Variants in PDE10A observed in about 807,000 individuals in gnomAD.
PDE10A encodes cAMP and cAMP-inhibited cGMP 3',5'-cyclic phosphodiesterase 10A.
A neutral mutation model predicts 97.7 loss-of-function variants in PDE10A; 39 were observed. That is an observed-to-expected ratio of 0.40 (90% CI 0.31 to 0.52). The LOEUF (loss-of-function observed/expected upper bound fraction) is 0.52. Among genes scored for constraint, PDE10A ranks in the 20% least tolerant of loss-of-function variants. The pLI is 0.56. For missense variants in PDE10A, 731 were observed against 1,047.8 expected, an observed-to-expected ratio of 0.70 and a Z score of 4.17; for synonymous variants, 371 against 376.8, an observed-to-expected ratio of 0.98 and a Z score of 0.18.
chr6:165,470,491 C>A (rs1031667606), intron 3 of PDE10A, among the ~76,000 whole-genome samples: 1 of 152,170 alleles, frequency 6.6e-6, no homozygotes, highest in African/African-American at 2.4e-5. Context: ...TGGTGCCTTT[C>A]CCTTAGAGGA....
chr6:165,924,753 T>C (rs1400285061), intron 1 of PDE10A, among the ~76,000 whole-genome samples: 1 of 152,182 alleles, frequency 6.6e-6, no homozygotes, highest in Non-Finnish European at 1.5e-5. Flanking sequence ...AGACCTTATA[T>C]GGAAATTAAC....
At chr6:165,500,315 T>G (rs1234118581) in intron 2 of PDE10A, among the ~76,000 whole-genome samples, 1 of 152,144 alleles carries the variant, frequency 6.6e-6, no homozygotes, top group Admixed American at 6.5e-5. Context: ...TGTTACTGTG[T>G]CTACGCAGAA....
In PDE10A at chr6:165,711,699, C is replaced by T. The variant is rs951865969; in HGVS notation, c.-614-168131G>A. ...AGCCCCTTTAATACCTGCTGAGCTA[C>T]GTTCAGCTCAGGCACAAGCCTGTTC... On this transcript the variant is annotated intron_variant, in intron 1 of 19. Transcript: ENST00000366882. This position sits in a 1 kb window ranked among gnomAD's most constrained non-coding sequence, Gnocchi z 4.5. Among the ~76,000 whole-genome samples the T allele has an allele frequency of 6.6e-6, 1 of 152,168 alleles. No homozygotes were observed. The highest frequency in any genetic ancestry group is 2.4e-5 in the African/African-American group (1 of 41,440).
At chr6:165,377,717 T>C (rs1784694812) in intron 18 of PDE10A, among the ~76,000 whole-genome samples, 1 of 152,180 alleles carries the variant, frequency 6.6e-6, no homozygotes, top group African/African-American at 2.4e-5. Context: ...TCTATTTCCC[T>C]GATCTTCTGA....
intron 11 of PDE10A, among the ~76,000 whole-genome samples, chr6:165,417,199 C>A (rs1583242449): frequency 6.6e-6 from 1 of 152,172 alleles, no homozygotes; most frequent in South Asian, 2.1e-4. Flanking sequence ...AAAGAGTGAA[C>A]CAAACACTGC....
intron 1 of PDE10A, among the ~76,000 whole-genome samples, chr6:165,798,070 G>A (rs552764544): frequency 6.6e-6 from 1 of 152,120 alleles, no homozygotes; most frequent in Non-Finnish European, 1.5e-5. Context: ...GCTGCAGTGC[G>A]CTACTCTTTA....
chr6:165,624,553 C>T (rs187112088), intron 1 of PDE10A, among the ~76,000 whole-genome samples: 1 of 152,296 alleles, frequency 6.6e-6, no homozygotes, highest in Admixed American at 6.5e-5. Context: ...TTAACTAATT[C>T]CAGTTCAAAA....
Position 165,381,208 on chromosome 6 carries a change from A to G in PDE10A, c.2611-1842T>C, listed in dbSNP as rs538272922. Among the ~76,000 whole-genome samples the G allele has an allele frequency of 2.4e-3, 365 of 152,326 alleles. 1 individual carries two copies. Among genetic ancestry groups the G allele is most frequent in the African/African-American group, 8.4e-3 (350 of 41,574 alleles). ...ACAAAAGAGTTATAAACTCACTGCA[A>G]TTCTACACACTGGATATGTCATCTG... On this transcript the variant is annotated intron_variant, in intron 17 of 21. Coordinates refer to ENST00000539869, the MANE Select transcript of PDE10A (RefSeq NM_001385079.1).
At chr6:165,552,607 T>C (rs190380135) in intron 1 of PDE10A, among the ~76,000 whole-genome samples, 1 of 152,194 alleles carries the variant, frequency 6.6e-6, no homozygotes. Context: ...CAAACACTGT[T>C]AGACGTCACT....
At chr6:165,749,387 C>T (rs373118201) in intron 1 of PDE10A, among the ~76,000 whole-genome samples, 11 of 128,246 alleles carry the variant, frequency 8.6e-5, no homozygotes, top group South Asian at 2.6e-4. Flanking sequence ...CCACCACCAT[C>T]ATCACCATTA....
At chr6:165,787,534 C>T (rs111921988) in intron 1 of PDE10A, among the ~76,000 whole-genome samples, 1,853 of 152,184 alleles carry the variant, frequency 0.012, 27 homozygotes, top group South Asian at 0.059. Flanking sequence ...ATAAAAAGTC[C>T]CCCAAATAAG....
intron 1 of PDE10A, among the ~76,000 whole-genome samples, chr6:165,615,236 G>GAAAGAAAGA (rs1562630497): frequency 2.0e-5 from 3 of 149,868 alleles, no homozygotes; most frequent in South Asian, 2.1e-4. Context: ...AAGAAAGAAA[G>GAAAGAAAGA]AAAGAAAAGA....
At chr6:165,762,224 C>A (rs1376485189) in intron 1 of PDE10A, among the ~76,000 whole-genome samples, 2 of 152,206 alleles carry the variant, frequency 1.3e-5, no homozygotes, top group Non-Finnish European at 2.9e-5. Flanking sequence ...CATTTCTTCC[C>A]TGCTGTGTAA....
chr6:165,521,073 T>C (rs77507341), intron 2 of PDE10A, among the ~76,000 whole-genome samples: 3,053 of 152,314 alleles, frequency 0.02, 55 homozygotes, highest in Non-Finnish European at 0.032. Context: ...GGTGTCTGTG[T>C]GTCAAATTTT....
At chr6:165,489,884 T>A (rs1238761607) in intron 2 of PDE10A, among the ~76,000 whole-genome samples, 1 of 152,068 alleles carries the variant, frequency 6.6e-6, no homozygotes, top group Non-Finnish European at 1.5e-5. Flanking sequence ...TAACCCAATC[T>A]AACAAATGCA....
rs34436194 is a variant in PDE10A at position 165,812,433 on chromosome 6, GA to G, written c.-615+175095del. Among the ~76,000 whole-genome samples, 1,447 of 150,200 alleles carry G rather than the reference GA, an allele frequency of 9.6e-3. 24 individuals carry two copies. Among genetic ancestry groups the G allele is most frequent in the African/African-American group, 0.033 (1,351 of 40,954 alleles). ...ATGAATATCAAAGAACTTGGAGGCA[GA>G]AAAAAAAAAGTGTCCTCTCATTAAG... is the stretch of plus-strand genomic sequence containing the variant. On this transcript the variant is annotated intron_variant, in intron 1 of 19. Transcript: ENST00000366882.
At chr6:165,539,377 C>T (rs545340736) in intron 2 of PDE10A, among the ~76,000 whole-genome samples, 1 of 152,326 alleles carries the variant, frequency 6.6e-6, no homozygotes, top group South Asian at 2.1e-4. Flanking sequence ...AAACCTCCTT[C>T]TACCTGTCAA....
In PDE10A at chr6:165,540,492, C is replaced by T. The variant is rs1193569887; in HGVS notation, c.994+2948G>A. Among the ~76,000 whole-genome samples the T allele has an allele frequency of 2.6e-5, 4 of 152,074 alleles. No homozygotes were observed. The East Asian group carries it at 7.7e-4, about 29-fold the overall frequency. On this transcript the variant is annotated intron_variant, in intron 2 of 21. Transcript: ENST00000539869. ...TTTTCAACAAGCTATTCTCCAATATCTTCTATCTGCCACAGTTTCTGTTCC... is the reference window on the plus strand; with the variant it reads ...TTTTCAACAAGCTATTCTCCAATATTTTCTATCTGCCACAGTTTCTGTTCC...
chr6:165,342,611 T>C (rs1351286472), intron 19 of PDE10A, among the ~76,000 whole-genome samples: 1 of 152,264 alleles, frequency 6.6e-6, no homozygotes, highest in Non-Finnish European at 1.5e-5. Flanking sequence ...ATGAATGAGA[T>C]ATACGATTGA....
Sources: allele counts gnomAD v4.1 joint callset (sites outside exome capture counted in the v4.1 genomes callset), GRCh38; gene constraint gnomAD v4.1.1; non-coding constraint Gnocchi (gnomAD v3.1); transcripts MANE v1.5; gene names NCBI Gene and HGNC (gene_info 2026-07-23, HGNC 2026-07-21).